Variants in CAMTA1 observed in about 807,000 individuals in gnomAD.
CAMTA1 encodes the protein calmodulin-binding transcription activator 1.
In CAMTA1, 27 loss-of-function variants were observed where a neutral mutation model predicts 170.9. The ratio of observed to expected loss-of-function variants is 0.16; its 90% CI spans 0.12 to 0.22. The LOEUF (loss-of-function observed/expected upper bound fraction) is 0.22, where lower values mean the gene tolerates loss of function less well. CAMTA1 is among the 10% of genes least tolerant of loss of function. CAMTA1 has a pLI of 1.00. For missense variants in CAMTA1, 1,619 were observed against 2,217.2 expected (o/e 0.73, Z 5.42); for synonymous variants, 833 against 891.5 (o/e 0.93, Z 1.17).
At chr1:6,822,156 C>A (rs1158607210) in intron 2 of CAMTA1, among the ~76,000 whole-genome samples, 1 of 152,168 alleles carries the variant, frequency 6.6e-6, no homozygotes, top group East Asian at 1.9e-4. Context: ...CTGAATAATG[C>A]AGTGGAAACC....
chr1:7,207,683 C>T (rs1207217863), intron 4 of CAMTA1, among the ~76,000 whole-genome samples: 1 of 152,090 alleles, frequency 6.6e-6, no homozygotes, highest in East Asian at 1.9e-4. Flanking sequence ...GTGTCCTTCC[C>T]TTATTTCTTA....
chr1:7,052,091 A>G (rs116748664), intron 3 of CAMTA1, among the ~76,000 whole-genome samples: 2 of 151,264 alleles, frequency 1.3e-5, no homozygotes, highest in African/African-American at 4.9e-5. Context: ...GGGGGTGGGT[A>G]TCCTTGGTCC....
intron 3 of CAMTA1, among the ~76,000 whole-genome samples, chr1:6,835,170 A>G (rs1038176774): frequency 6.6e-6 from 1 of 152,236 alleles, no homozygotes; most frequent in African/African-American, 2.4e-5. Context: ...TGTCCAAGTC[A>G]TAACTTAATA....
At chr1:7,353,941 G>T (rs1338539929) in intron 5 of CAMTA1, among the ~76,000 whole-genome samples, 2 of 152,000 alleles carry the variant, frequency 1.3e-5, no homozygotes, top group Non-Finnish European at 2.9e-5. Context: ...CCCACTGTCT[G>T]TTGTTCTCCT....
intron 3 of CAMTA1, among the ~76,000 whole-genome samples, chr1:7,054,010 T>C (rs1246717480): frequency 6.6e-6 from 1 of 152,204 alleles, no homozygotes; most frequent in East Asian, 1.9e-4. Flanking sequence ...TGCACATGTG[T>C]CCTGGGCTGG....
chr1:7,049,623 A>G (rs558385769), intron 3 of CAMTA1, among the ~76,000 whole-genome samples: 96 of 152,100 alleles, frequency 6.3e-4, no homozygotes, highest in African/African-American at 2.2e-3. Context: ...CACCCAGCTA[A>G]TTTTTGTATT....
intron 3 of CAMTA1, among the ~76,000 whole-genome samples, chr1:6,860,305 T>C (rs770302769): frequency 3.8e-4 from 58 of 152,210 alleles, no homozygotes; most frequent in Non-Finnish European, 6.3e-4. Context: ...ATTTTTATCC[T>C]TAGATGTTTA....
intron 22 of CAMTA1, among the ~76,000 whole-genome samples, chr1:7,759,062 T>C (rs1197185360): frequency 6.6e-6 from 1 of 152,042 alleles, no homozygotes; most frequent in Non-Finnish European, 1.5e-5. Flanking sequence ...GGTGGGAGGA[T>C]TGCTTGAGCC....
chr1:7,737,468 G>A lies in CAMTA1; in HGVS notation c.3556G>A (p.Glu1186Lys), dbSNP rs569470075. Residue 1186 changes from glutamate (E) to lysine (K), a missense_variant, in exon 15 of 23, where the codon GAA becomes AAA. Physicochemically the swap from Glu to Lys is moderately conservative, Grantham distance 56. This residue lies in a region of CAMTA1 where 370 missense variants were observed against 429.4 expected (regional missense o/e 0.86). Transcript: ENST00000303635. Reference protein sequence around the residue: ...QNPRIHCPASEEPSTESWMAQ... With the variant: ...QNPRIHCPASKEPSTESWMAQ... ...CCCCAGAATCCACTGTCCTGCAAGC[G>A]AAGAGCCCAGCACAGAGAGCTGGAT... 2.1e-4 allele frequency: 337 copies of A among 1,614,124 alleles called. 4 individuals carry two copies. In the South Asian group the frequency reaches 3.3e-3, roughly 16 times the overall value.
chr1:7,342,475 A>C (rs1232587488), intron 5 of CAMTA1, among the ~76,000 whole-genome samples: 3 of 152,074 alleles, frequency 2.0e-5, no homozygotes, highest in Admixed American at 6.6e-5. Context: ...TGCCTGGAGG[A>C]GTGAGACTGG....
At chr1:6,890,691 T>C (rs1543954) in intron 3 of CAMTA1, among the ~76,000 whole-genome samples, 102,569 of 151,858 alleles carry the variant, frequency 0.68, 35,075 homozygotes, top group Admixed American at 0.76. Flanking sequence ...CTGCCTTAGC[T>C]TCCTGAGTAG....
At chr1:7,660,061 C>G (rs966535867) in intron 7 of CAMTA1, among the ~76,000 whole-genome samples, 1 of 152,204 alleles carries the variant, frequency 6.6e-6, no homozygotes, top group Non-Finnish European at 1.5e-5. Flanking sequence ...AGATCCTTGT[C>G]TCTACAAATA....
intron 5 of CAMTA1, among the ~76,000 whole-genome samples, chr1:7,466,188 T>C (rs904035600): frequency 2.0e-5 from 3 of 151,966 alleles, no homozygotes; most frequent in Non-Finnish European, 4.4e-5. Flanking sequence ...CGGCAAGGAG[T>C]GAGTTATCAA....
chr1:7,462,363 T>C (rs1017280028), intron 5 of CAMTA1, among the ~76,000 whole-genome samples: 2 of 152,230 alleles, frequency 1.3e-5, no homozygotes, highest in Non-Finnish European at 2.9e-5. Context: ...CCTCCCAGGT[T>C]CAAGCAATTC....
chr1:7,151,299 T>G (rs958786079), intron 4 of CAMTA1, among the ~76,000 whole-genome samples: 4 of 152,210 alleles, frequency 2.6e-5, no homozygotes, highest in Non-Finnish European at 5.9e-5. Flanking sequence ...CGAGCCTAAT[T>G]AACTGATGCG....
rs141193540 is a variant in CAMTA1, at chr1:7,174,904, A to C, written c.303-74587A>C. On this transcript the variant is annotated intron_variant, in intron 4 of 22. Transcript: ENST00000303635. ...CCCTGCTGTGTGTCTAAGGCAGAAG[A>C]GATTGGCCTGACATCCGGATGTCCC... Among the ~76,000 whole-genome samples the C allele has an allele frequency of 6.0e-4, 92 of 152,248 alleles. 3 individuals are homozygous for C. In the East Asian group the frequency reaches 0.017, roughly 28 times the overall value.
intron 1 of CAMTA1, among the ~76,000 whole-genome samples, chr1:6,795,294 C>G (rs1642217099): frequency 6.6e-6 from 1 of 152,040 alleles, no homozygotes; most frequent in African/African-American, 2.4e-5. Context: ...CTGAAATGAT[C>G]CTCCTGCCTC....
At chr1:7,097,045 C>T (rs1165787579) in intron 4 of CAMTA1, among the ~76,000 whole-genome samples, 1 of 152,214 alleles carries the variant, frequency 6.6e-6, no homozygotes, top group Non-Finnish European at 1.5e-5. Context: ...TTGCCCTCAC[C>T]TCGAATGCCC....
chr1:7,084,608 C>T (rs1220033497), intron 3 of CAMTA1, among the ~76,000 whole-genome samples: 4 of 152,256 alleles, frequency 2.6e-5, no homozygotes, highest in African/African-American at 9.6e-5. Flanking sequence ...GGGCCCTGCT[C>T]TCCTTGAAGC....
Sources: allele counts gnomAD v4.1 joint callset (sites outside exome capture counted in the v4.1 genomes callset), GRCh38; gene constraint gnomAD v4.1.1; regional missense constraint gnomAD v4.1.1; transcripts MANE v1.5; gene names NCBI Gene and HGNC (gene_info 2026-07-23, HGNC 2026-07-21).